The following CFAP20DC variants were observed in gnomAD, a reference collection of about 807,000 sequenced individuals.
CFAP20DC encodes protein CFAP20DC.
Under a neutral mutation model 101.7 loss-of-function variants are expected in CFAP20DC, and 84 were observed. The ratio of observed to expected loss-of-function variants is 0.83; its 90% confidence interval spans 0.69 to 0.99. CFAP20DC has a LOEUF of 0.99. CFAP20DC is among the 50% of genes least tolerant of loss of function. The pLI, the probability that CFAP20DC is intolerant of heterozygous loss-of-function variation, is 0.00. For synonymous variants in CFAP20DC, 359 were observed against 351.2 expected (o/e 1.02, Z -0.25); for missense variants, 1,007 against 970.3 (o/e 1.04, Z -0.50).
chr3:58,999,843 TAAAAAAAAAAAAAAA>T lies in CFAP20DC; in HGVS notation c.278+39699_278+39713del, dbSNP rs565894929. Among the ~76,000 whole-genome samples the T allele has an allele frequency of 3.9e-5, 3 of 76,762 alleles. No individual in the cohort carries two copies. In the South Asian group the frequency reaches 1.2e-3, roughly 30 times the overall value. 50.4% of individuals were successfully genotyped at this position (76,762 alleles called of 152,430 possible). ...CAGAGCCAAAAGGGAGTCACTAATG[TAAAAAAAAAAAAAAA>T]AAAAAAAAAGAACCTGACAGAGCAC... On this transcript the variant is annotated intron_variant, in intron 4 of 16. Coordinates refer to ENST00000482387, the MANE Select transcript of CFAP20DC (RefSeq NM_001394063.1).
chr3:58,809,123 T>G (rs1245778500), intron 14 of CFAP20DC, among the ~76,000 whole-genome samples: 1 of 152,082 alleles, frequency 6.6e-6, no homozygotes, highest in Non-Finnish European at 1.5e-5. Context: ...ATGGGAGACT[T>G]TAGCACCCCA....
intron 7 of CFAP20DC, among the ~76,000 whole-genome samples, chr3:58,877,436 A>G (rs1303761235): frequency 6.6e-6 from 1 of 152,262 alleles, no homozygotes; most frequent in Non-Finnish European, 1.5e-5. Flanking sequence ...TTGGGGTCAG[A>G]GAAATAATGT....
At chr3:58,745,438 A>G (rs2068123428) in intron 16 of CFAP20DC, among the ~76,000 whole-genome samples, 3 of 152,156 alleles carry the variant, frequency 2.0e-5, no homozygotes, top group Admixed American at 6.5e-5. Flanking sequence ...GGCTAAGAGC[A>G]CTCAAGGGCT....
intron 6 of CFAP20DC, among the ~76,000 whole-genome samples, chr3:58,900,800 C>A (rs2083082600): frequency 6.6e-6 from 1 of 152,160 alleles, no homozygotes; most frequent in Non-Finnish European, 1.5e-5. Flanking sequence ...GACTTTGTAA[C>A]CCTGTTCCCC....
At chr3:58,853,514 G>T (rs1163077182) in intron 12 of CFAP20DC, among the ~76,000 whole-genome samples, 3 of 151,942 alleles carry the variant, frequency 2.0e-5, no homozygotes, top group Admixed American at 6.6e-5. Flanking sequence ...TACCAAAGCT[G>T]GGCAGAGACA....
chr3:58,839,015 G>T (rs1041658099), intron 13 of CFAP20DC, among the ~76,000 whole-genome samples: 3 of 152,198 alleles, frequency 2.0e-5, no homozygotes, highest in African/African-American at 4.8e-5. Context: ...ACTGTTTACA[G>T]AAATGAAAAT....
chr3:59,008,833 A>G (rs1258515063), intron 4 of CFAP20DC, among the ~76,000 whole-genome samples: 2 of 152,134 alleles, frequency 1.3e-5, no homozygotes, highest in African/African-American at 4.8e-5. Context: ...CACATTGTGC[A>G]CATGTACCCT....
At chr3:58,919,223 T>G (rs952309996) in intron 5 of CFAP20DC, among the ~76,000 whole-genome samples, 2 of 152,326 alleles carry the variant, frequency 1.3e-5, no homozygotes, top group South Asian at 2.1e-4. Flanking sequence ...CAGCATAATA[T>G]TTAAGGCTCA....
intron 4 of CFAP20DC, 30 bp downstream of exon 4, chr3:59,039,527 A>G: frequency 7.6e-7 from 1 of 1,323,076 alleles, no homozygotes; most frequent in East Asian, 2.5e-5. Flanking sequence ...AATACACACA[A>G]AACATTCAAA....
chr3:58,878,949 A>G (rs2081002100), intron 7 of CFAP20DC, among the ~76,000 whole-genome samples: 1 of 151,986 alleles, frequency 6.6e-6, no homozygotes, highest in East Asian at 1.9e-4. Flanking sequence ...CGGAGCTTGC[A>G]GCGAGCCAAG....
chr3:59,042,077 T>C (rs1699441048), intron 3 of CFAP20DC, among the ~76,000 whole-genome samples: 1 of 152,064 alleles, frequency 6.6e-6, no homozygotes. Context: ...AGAGGATGAT[T>C]AGTGAAGCTT....
chr3:58,817,090 G>C (rs920382030), intron 14 of CFAP20DC, among the ~76,000 whole-genome samples: 4 of 152,040 alleles, frequency 2.6e-5, no homozygotes, highest in Admixed American at 6.6e-5. Context: ...TTGTCTGTTA[G>C]AAGGAAAACT....
At chr3:58,810,117 C>G (rs902284199) in intron 14 of CFAP20DC, among the ~76,000 whole-genome samples, 1 of 152,152 alleles carries the variant, frequency 6.6e-6, no homozygotes, top group African/African-American at 2.4e-5. Context: ...CGAATTCTAT[C>G]AGAGGTACAA....
In CFAP20DC at chr3:58,859,624, T is replaced by C. The variant is rs2079087583; in HGVS notation, c.1593+3934A>G. On this transcript the variant is annotated intron_variant, in intron 12 of 16. Transcript: ENST00000482387. The surrounding 1 kb of genome is among the most constrained non-coding windows in gnomAD (Gnocchi z 4.1). ...AGATAATAATAAAGACATGTAGATGTGAACAGCCTAAAAAGATTACTCATA... is the reference window on the plus strand; with the variant it reads ...AGATAATAATAAAGACATGTAGATGCGAACAGCCTAAAAAGATTACTCATA... Among the ~76,000 whole-genome samples the C allele has an allele frequency of 6.6e-6, 1 of 152,220 alleles. No individual in the cohort carries two copies. Among genetic ancestry groups the C allele is most frequent in the Admixed American group, 6.5e-5 (1 of 15,274 alleles).
chr3:58,910,503 C>T (rs1038194383), intron 6 of CFAP20DC, among the ~76,000 whole-genome samples: 1 of 152,046 alleles, frequency 6.6e-6, no homozygotes, highest in Admixed American at 6.6e-5. Flanking sequence ...ATCCTTTGTA[C>T]ATAAATTGTA....
In CFAP20DC at chr3:58,803,943, A is replaced by G. The variant is rs536266433; in HGVS notation, c.2237+2452T>C. On this transcript the variant is annotated intron_variant, in intron 15 of 16. Transcript: ENST00000482387. ...CTTGACAGTATATCTTTGGAAATCAATTTGTAAAAGAGATATTTAAAGTTG... is the reference window on the plus strand; with the variant it reads ...CTTGACAGTATATCTTTGGAAATCAGTTTGTAAAAGAGATATTTAAAGTTG... 2.2e-4 allele frequency among the ~76,000 whole-genome samples: 34 copies of G among 152,370 alleles called. No individual in the cohort carries two copies. The South Asian group carries it at 6.6e-3, about 30-fold the overall frequency.
intron 14 of CFAP20DC, among the ~76,000 whole-genome samples, chr3:58,811,684 C>G (rs573958824): frequency 6.6e-6 from 1 of 152,064 alleles, no homozygotes; most frequent in Non-Finnish European, 1.5e-5. Flanking sequence ...TCAATGGCAA[C>G]AAAAGCCAAA....
chr3:58,855,994 A>G (rs957716468), intron 12 of CFAP20DC, among the ~76,000 whole-genome samples: 4 of 151,904 alleles, frequency 2.6e-5, no homozygotes, highest in African/African-American at 7.3e-5. Context: ...ATAAAAAAAA[A>G]TAAAAAAAAG....
chr3:59,026,281 T>G (rs2093891088), intron 4 of CFAP20DC, among the ~76,000 whole-genome samples: 1 of 152,150 alleles, frequency 6.6e-6, no homozygotes, highest in Non-Finnish European at 1.5e-5. Context: ...GTACAATACT[T>G]CTAGTTTAAA....
Sources: allele counts gnomAD v4.1 joint callset (sites outside exome capture counted in the v4.1 genomes callset), GRCh38; gene constraint gnomAD v4.1.1; non-coding constraint Gnocchi (gnomAD v3.1); transcripts MANE v1.5; gene names NCBI Gene and HGNC (gene_info 2026-07-23, HGNC 2026-07-21).